The following PTCHD4 variants were observed in gnomAD, a reference collection of about 807,000 sequenced individuals.
PTCHD4 encodes the protein patched domain-containing protein 4.
In PTCHD4, 33 loss-of-function variants were observed where a neutral mutation model predicts 58.1. The ratio of observed to expected loss-of-function variants is 0.57; its 90% confidence interval spans 0.43 to 0.76. The LOEUF (loss-of-function observed/expected upper bound fraction) is 0.76, where lower values mean the gene tolerates loss of function less well. Ranked by LOEUF, PTCHD4 falls within the 30% of genes least tolerant of loss-of-function variation. PTCHD4 has a pLI of 0.00. For missense variants in PTCHD4, 1,058 were observed against 1,027.1 expected, an observed-to-expected ratio of 1.03 and a Z score of -0.41; for synonymous variants, 478 against 409.6, an observed-to-expected ratio of 1.17 and a Z score of -2.02.
chr6:48,085,862 T>A (rs1020787450), intron 1 of PTCHD4, among the ~76,000 whole-genome samples: 1 of 152,228 alleles, frequency 6.6e-6, no homozygotes, highest in Non-Finnish European at 1.5e-5. Context: ...AGTCTGGTAA[T>A]GGCAATATTT....
rs1295083250 is a variant in PTCHD4, at chr6:47,890,895, C to T, written c.899-10959G>A. ...TTTCAATTTTTTTCTCTGTACCTTCCATGCTTTTCAAGTTTTCGAAAATGA... is the reference window on the plus strand; with the variant it reads ...TTTCAATTTTTTTCTCTGTACCTTCTATGCTTTTCAAGTTTTCGAAAATGA... On this transcript the variant is annotated intron_variant, in intron 4 of 4. Coordinates refer to ENST00000339488, the MANE Select transcript of PTCHD4 (RefSeq NM_001384253.1). 1.3e-5 allele frequency: 13 copies of T among 984,518 alleles called. No individual in the cohort carries two copies. The Admixed American group carries it at 1.8e-4, about 14-fold the overall frequency. The allele number at this position is 984,518 out of a possible 1,614,324, so 61.0% of individuals were successfully genotyped here.
chr6:47,934,396 G>A (rs1329937791), intron 4 of PTCHD4, among the ~76,000 whole-genome samples: 1 of 151,402 alleles, frequency 6.6e-6, no homozygotes, highest in African/African-American at 2.4e-5. Context: ...GCTGAACTAC[G>A]AAAAAGTCCT....
At chr6:47,991,842 G>C (rs189781738) in intron 4 of PTCHD4, among the ~76,000 whole-genome samples, 4 of 151,904 alleles carry the variant, frequency 2.6e-5, no homozygotes, top group Admixed American at 2.6e-4. Flanking sequence ...ATTTGTAAAA[G>C]GGAAAAATGA....
At position 47,876,866 on chromosome 6, in the gene PTCHD4, A is replaced by G. The variant is rs138965051; in HGVS notation, c.*1437T>C. 6.2e-4 allele frequency among the ~76,000 whole-genome samples: 94 copies of G among 152,140 alleles called. No homozygotes were observed. Among genetic ancestry groups the G allele is most frequent in the African/African-American group, 2.2e-3 (91 of 41,544 alleles). Reference sequence around the variant, plus strand: ...TTAACTTAATGAAAACATTTACCTCAGTACTTTTGTTTGAGAAAGAATTCA... The same window carrying G: ...TTAACTTAATGAAAACATTTACCTCGGTACTTTTGTTTGAGAAAGAATTCA... On this transcript the variant is annotated 3_prime_UTR_variant, in exon 5 of 5. Coordinates refer to ENST00000339488, the MANE Select transcript of PTCHD4 (RefSeq NM_001384253.1).
chr6:47,927,202 T>C (rs1765653828), intron 4 of PTCHD4, among the ~76,000 whole-genome samples: 1 of 152,196 alleles, frequency 6.6e-6, no homozygotes, highest in South Asian at 2.1e-4. Flanking sequence ...CTCTATCCCC[T>C]ACCTCATACT....
intron 4 of PTCHD4, among the ~76,000 whole-genome samples, chr6:47,952,490 T>C (rs1766691771): frequency 6.6e-6 from 1 of 152,114 alleles, no homozygotes; most frequent in Non-Finnish European, 1.5e-5. Flanking sequence ...AGAATAAGTA[T>C]ATACCGCCCC....
chr6:47,868,449 T>A lies in PTCHD4; in HGVS notation c.*9854A>T, dbSNP rs1279484944. Among the ~76,000 whole-genome samples the A allele has an allele frequency of 2.0e-5, 3 of 151,664 alleles. No individual in the cohort carries two copies. Among genetic ancestry groups the A allele is most frequent in the Admixed American group, 6.6e-5 (1 of 15,186 alleles). On this transcript the variant is annotated 3_prime_UTR_variant, in exon 5 of 5. Coordinates refer to ENST00000339488, the MANE Select transcript of PTCHD4 (RefSeq NM_001384253.1). ...GAATATGGGCTCTCAAAGATTGAAA[T>A]TATTAAATAACCTCCTTTTCATTAG...
intron 1 of PTCHD4, among the ~76,000 whole-genome samples, chr6:48,091,992 T>TACAC (rs1021104279): frequency 1.4e-5 from 2 of 145,930 alleles, no homozygotes; most frequent in Admixed American, 6.8e-5. Flanking sequence ...CACATACACA[T>TACAC]ACACACACAC....
intron 3 of PTCHD4, among the ~76,000 whole-genome samples, chr6:48,017,580 T>C (rs1762910323): frequency 6.6e-6 from 1 of 152,202 alleles, no homozygotes; most frequent in Admixed American, 6.5e-5. Context: ...TTAACACATG[T>C]GGTAGAATCA....
At chr6:47,962,926 G>A (rs535628412) in intron 4 of PTCHD4, among the ~76,000 whole-genome samples, 9 of 151,922 alleles carry the variant, frequency 5.9e-5, no homozygotes, top group East Asian at 5.8e-4. Flanking sequence ...TTGGGAGGCC[G>A]AGGCAGATGG....
At chr6:47,978,366 A>C (rs1767770913) in intron 4 of PTCHD4, among the ~76,000 whole-genome samples, 1 of 152,180 alleles carries the variant, frequency 6.6e-6, no homozygotes, top group Non-Finnish European at 1.5e-5. Flanking sequence ...AGGCGGTATG[A>C]GTTAGAGGTC....
chr6:47,931,106 G>A (rs951386414), intron 4 of PTCHD4, among the ~76,000 whole-genome samples: 4 of 152,312 alleles, frequency 2.6e-5, no homozygotes, highest in Admixed American at 1.3e-4. Flanking sequence ...TTTATTTGAC[G>A]CTGACTTTGT....
chr6:48,101,469 C>T (rs1765600984), intron 1 of PTCHD4, among the ~76,000 whole-genome samples: 1 of 152,124 alleles, frequency 6.6e-6, no homozygotes, highest in Admixed American at 6.5e-5. Flanking sequence ...TCTCAGAAAT[C>T]ATCAGGTCAA....
intron 4 of PTCHD4, among the ~76,000 whole-genome samples, chr6:48,004,646 G>A (rs1023380466): frequency 1.3e-5 from 2 of 152,158 alleles, no homozygotes; most frequent in Non-Finnish European, 2.9e-5. Context: ...GGCCCAGCAC[G>A]GTGGCTCATG....
rs545397337 is a variant in PTCHD4 at position 48,037,527 on chromosome 6, T to C, written c.418-28413A>G. Among the ~76,000 whole-genome samples the C allele has an allele frequency of 3.6e-4, 55 of 152,282 alleles. 1 individual carries two copies. The highest frequency in any genetic ancestry group is 7.1e-4 in the Non-Finnish European group (48 of 68,010). ...TGCACAGATTTGTGTCTTTCCTTCTTTTTTAAATCTCATTTTGATCAAGCT... is the reference window on the plus strand; with the variant it reads ...TGCACAGATTTGTGTCTTTCCTTCTCTTTTAAATCTCATTTTGATCAAGCT... On this transcript the variant is annotated intron_variant, in intron 3 of 4. Transcript: ENST00000339488.
intron 4 of PTCHD4, among the ~76,000 whole-genome samples, chr6:47,999,668 C>T (rs951868112): frequency 2.0e-5 from 3 of 152,176 alleles, no homozygotes; most frequent in Admixed American, 1.3e-4. Flanking sequence ...CTCAAAACTA[C>T]TGACCCACAG....
At chr6:48,088,666 A>G (rs974009486) in intron 1 of PTCHD4, among the ~76,000 whole-genome samples, 7 of 152,206 alleles carry the variant, frequency 4.6e-5, no homozygotes, top group African/African-American at 1.4e-4. Context: ...GTTTTAGTGC[A>G]GTGAAAATTT....
chr6:47,974,002 G>A (rs1175635620), intron 4 of PTCHD4, among the ~76,000 whole-genome samples: 1 of 152,162 alleles, frequency 6.6e-6, no homozygotes, highest in Non-Finnish European at 1.5e-5. Flanking sequence ...GACACCCAGA[G>A]AAAGGCAATT....
At chr6:47,996,414 G>C (rs990818399) in intron 4 of PTCHD4, among the ~76,000 whole-genome samples, 1 of 134,138 alleles carries the variant, frequency 7.5e-6, no homozygotes, top group Non-Finnish European at 1.6e-5. Flanking sequence ...GGCAGGGCTT[G>C]AAGTGAGCCA....
Sources: gnomAD v4.1 joint callset for allele counts (sites outside exome capture counted in the v4.1 genomes callset) on GRCh38, gnomAD v4.1.1 for gene constraint, MANE v1.5 for transcripts, NCBI Gene and HGNC (gene_info 2026-07-23, HGNC 2026-07-21) for gene names.